LRRFIP2: variants seen among roughly 807,000 people sequenced by gnomAD.
The protein encoded by LRRFIP2 is LRR binding FLII interacting protein 2, also known as leucine-rich repeat flightless-interacting protein 2.
Under a neutral mutation model 125.9 loss-of-function variants are expected in LRRFIP2, and 109 were observed. The ratio of observed to expected loss-of-function variants is 0.87; its 90% CI spans 0.74 to 1.01. The LOEUF is 1.01. Ranked by LOEUF, LRRFIP2 falls within the 50% of genes least tolerant of loss-of-function variation. The pLI, the probability that LRRFIP2 is intolerant of heterozygous loss-of-function variation, is 0.00. For missense variants in LRRFIP2, 850 were observed against 862.3 expected (o/e 0.99, Z 0.18); for synonymous variants, 291 against 293.1 (o/e 0.99, Z 0.07).
intron 18 of LRRFIP2, among the ~76,000 whole-genome samples, chr3:37,088,494 T>C (rs557605339): frequency 1.3e-5 from 2 of 149,228 alleles, no homozygotes; most frequent in East Asian, 2.0e-4. Flanking sequence ...CTGAGCAACA[T>C]GGTGAGACTG....
chr3:37,146,930 G>A (rs1577473042), intron 2 of LRRFIP2, among the ~76,000 whole-genome samples: 1 of 151,920 alleles, frequency 6.6e-6, no homozygotes, highest in Non-Finnish European at 1.5e-5. Context: ...GAACAGACAA[G>A]CTACAAAATG....
intron 2 of LRRFIP2, among the ~76,000 whole-genome samples, chr3:37,142,394 G>A (rs900939056): frequency 1.1e-4 from 16 of 151,914 alleles, no homozygotes; most frequent in African/African-American, 3.1e-4. Flanking sequence ...CGCCCACCTC[G>A]GCCTCTGGTC....
intron 19 of LRRFIP2, among the ~76,000 whole-genome samples, chr3:37,077,058 A>G (rs963572740): frequency 6.6e-6 from 1 of 152,234 alleles, no homozygotes; most frequent in African/African-American, 2.4e-5. Flanking sequence ...ATTCCAGAAC[A>G]GAACTATGGG....
chr3:37,107,655 C>T (rs1168537156), intron 13 of LRRFIP2, among the ~76,000 whole-genome samples: 1 of 151,916 alleles, frequency 6.6e-6, no homozygotes, highest in East Asian at 1.9e-4. Flanking sequence ...TTTTAATCAG[C>T]TTGTTTTATT....
intron 1 of LRRFIP2, among the ~76,000 whole-genome samples, chr3:37,161,044 A>G (rs1162270929): frequency 3.9e-5 from 6 of 152,114 alleles, no homozygotes; most frequent in African/African-American, 1.4e-4. Context: ...TTACCTAGCC[A>G]TAAAAACAAA....
intron 2 of LRRFIP2, chr3:37,135,217 T>G (rs1397616438): frequency 1.4e-6 from 1 of 710,766 alleles, no homozygotes; most frequent in Non-Finnish European, 2.4e-6. Context: ...TCCTAGCACT[T>G]TGGGAGTCCA....
intron 20 of LRRFIP2, among the ~76,000 whole-genome samples, chr3:37,074,620 T>C (rs576077207): frequency 6.6e-6 from 1 of 152,328 alleles, no homozygotes; most frequent in African/African-American, 2.4e-5. Flanking sequence ...TCTTGATGTT[T>C]CTTCTTTTTT....
In LRRFIP2 at chr3:37,083,663, A is replaced by G. The variant is rs746978722; in HGVS notation, c.1251T>C (p.Phe417=). The change falls in exon 19 of 28, where the codon TTT becomes TTC. Residue 417 remains phenylalanine, a synonymous_variant. Coordinates refer to ENST00000336686, the MANE Select transcript of LRRFIP2 (RefSeq NM_006309.4). ...TTGATTTTTCTTCATTTTCTCTATA[A>G]AATTCTGCCATCTGTTCCTCCTGCT... ...IEEQEEQMAE[F]YRENEEKSKE... 6.4e-7 allele frequency: 1 copy of G among 1,564,152 alleles called. No homozygotes were observed.
At chr3:37,161,660 CTA>C (rs2096348738) in intron 1 of LRRFIP2, among the ~76,000 whole-genome samples, 1 of 151,718 alleles carries the variant, frequency 6.6e-6, no homozygotes, top group Non-Finnish European at 1.5e-5. Context: ...TGTGACTACA[CTA>C]AAAAACCACT....
chr3:37,111,059 G>A lies in LRRFIP2; in HGVS notation c.445C>T (p.Leu149Phe). ...CTATAGTTTCTCTGGTCAAAGTAGA[G>A]GCCACTCTGCAAAAAGCAAAATTAA... ...SDSHKDLLSG[L>F]YFDQRNYSSL... The change falls in exon 9 of 28, where the codon CTC (leucine) becomes TTC (phenylalanine). Residue 149 changes from leucine (L) to phenylalanine (F), a missense_variant. Leu to Phe is a conservative substitution (Grantham distance 22). Transcript: ENST00000336686. The A allele has an allele frequency of 6.2e-7, 1 of 1,613,328 alleles. No homozygotes were observed. Among genetic ancestry groups the A allele is most frequent in the Non-Finnish European group, 8.5e-7 (1 of 1,179,632 alleles).
chr3:37,097,717 C>T (rs1373405512), intron 15 of LRRFIP2, among the ~76,000 whole-genome samples: 1 of 152,102 alleles, frequency 6.6e-6, no homozygotes, highest in East Asian at 1.9e-4. Context: ...AGGGAGGTAC[C>T]TTAAAAGTCT....
intron 1 of LRRFIP2, among the ~76,000 whole-genome samples, chr3:37,149,819 G>A (rs1053195260): frequency 1.4e-5 from 2 of 146,836 alleles, no homozygotes; most frequent in African/African-American, 5.5e-5. Flanking sequence ...TGGCCAACAT[G>A]GTAAAACCCC....
chr3:37,096,317 TTC>T (rs1559820003), intron 16 of LRRFIP2, among the ~76,000 whole-genome samples: 1 of 152,172 alleles, frequency 6.6e-6, no homozygotes, highest in Non-Finnish European at 1.5e-5. Context: ...CTAAAGAAAC[TTC>T]ATTTTCAGTG....
chr3:37,163,096 C>T (rs1185420320), intron 1 of LRRFIP2, among the ~76,000 whole-genome samples: 1 of 152,120 alleles, frequency 6.6e-6, no homozygotes, highest in Non-Finnish European at 1.5e-5. Context: ...CTGTGGGGAG[C>T]CTGTGTTTCT....
chr3:37,165,217 A>G (rs1169233936), intron 1 of LRRFIP2, among the ~76,000 whole-genome samples: 1 of 151,690 alleles, frequency 6.6e-6, no homozygotes, highest in African/African-American at 2.4e-5. Context: ...CCTGGGTGAC[A>G]GAGCGAGACT....
chr3:37,076,361 T>TA (rs895347198), intron 19 of LRRFIP2, among the ~76,000 whole-genome samples: 12 of 151,326 alleles, frequency 7.9e-5, no homozygotes, highest in East Asian at 2.0e-4. Flanking sequence ...CCCATCTCTA[T>TA]AAAAAAAATT....
At chr3:37,071,001 T>C (rs1164240676) in intron 21 of LRRFIP2, among the ~76,000 whole-genome samples, 1 of 152,150 alleles carries the variant, frequency 6.6e-6, no homozygotes, top group Non-Finnish European at 1.5e-5. Context: ...CCTCTTATAT[T>C]TCCCAAGCAA....
upstream of LRRFIP2, chr3:37,175,966 G>T (rs1162509726): frequency 2.0e-5 from 3 of 152,218 alleles, no homozygotes; most frequent in African/African-American, 7.2e-5. Flanking sequence ...GGTCGGAGGC[G>T]GCGCGGATCC....
At chr3:37,081,354 A>C (rs1442119982) in intron 19 of LRRFIP2, among the ~76,000 whole-genome samples, 1 of 152,240 alleles carries the variant, frequency 6.6e-6, no homozygotes, top group East Asian at 1.9e-4. Context: ...TATAATTATT[A>C]TGGAATGGTC....
Sources: gnomAD v4.1 joint callset for allele counts (sites outside exome capture counted in the v4.1 genomes callset) on GRCh38, gnomAD v4.1.1 for gene constraint, MANE v1.5 for transcripts, NCBI Gene and HGNC (gene_info 2026-07-23, HGNC 2026-07-21) for gene names.